HHIPL2: variants seen among roughly 807,000 people sequenced by gnomAD.
The protein encoded by HHIPL2 is HHIP like 2.
A neutral mutation model predicts 61.0 loss-of-function variants in HHIPL2; 61 were observed. The observed-to-expected ratio is 1.00, with a 90% confidence interval of 0.81 to 1.24. HHIPL2 has a LOEUF of 1.24. HHIPL2 is among the 50% of genes most tolerant of loss of function. The pLI is 0.00. For missense variants in HHIPL2, 885 were observed against 910.2 expected (o/e 0.97, Z 0.36); for synonymous variants, 343 against 357.4 (o/e 0.96, Z 0.45).
At position 222,522,808 on chromosome 1, in the gene HHIPL2, T is replaced by A. The variant is rs1295887362; in HGVS notation, c.1968A>T (p.Pro656=). ...KSSSATLASG[P]AQGLSEKGSS... is the part of the protein sequence containing the mutation. ...AGCCTTTCTCAGACAAACCCTGGGCTGGGCCAGAAGCTAAGGTTGCACTGG... is the reference window on the plus strand; with the variant it reads ...AGCCTTTCTCAGACAAACCCTGGGCAGGGCCAGAAGCTAAGGTTGCACTGG... The change falls in exon 9 of 9, where the codon CCA becomes CCT. Residue 656 remains proline, a synonymous_variant. Transcript: ENST00000343410. 1.9e-6 allele frequency: 3 copies of A among 1,614,206 alleles called. No homozygotes were observed. The highest frequency in any genetic ancestry group is 2.5e-6 in the Non-Finnish European group (3 of 1,180,034).
chr1:222,524,294 A>G (rs1191369321), intron 7 of HHIPL2: 2 of 153,018 alleles, frequency 1.3e-5, no homozygotes, highest in East Asian at 3.8e-4. Context: ...GAGTACTTCC[A>G]CTGTAGAGAG....
rs74837359 is a variant in HHIPL2, at chr1:222,539,853, T to C, written c.1450+157A>G. 5.2e-3 allele frequency among the ~76,000 whole-genome samples: 790 copies of C among 152,228 alleles called. 4 individuals carry two copies. The highest frequency in any genetic ancestry group is 0.024 in the Middle Eastern group (7 of 294). ...CCAAGATGTCTCTGGTGCCAGTGAG[T>C]GGCTGGAGGACCGGTTGGAGAAGCA... On this transcript the variant is annotated intron_variant, in intron 4 of 8. Transcript: ENST00000343410.
At chr1:222,537,300 C>A (rs1659320306) in intron 5 of HHIPL2, among the ~76,000 whole-genome samples, 2 of 151,158 alleles carry the variant, frequency 1.3e-5, no homozygotes, top group Non-Finnish European at 2.9e-5. Flanking sequence ...TAGAAATCAC[C>A]TACAGCTGAC....
intron 7 of HHIPL2, chr1:222,525,155 G>A (rs1571762619): frequency 6.6e-6 from 1 of 152,154 alleles, no homozygotes; most frequent in Non-Finnish European, 1.5e-5. Context: ...TGCTTTCTGT[G>A]TGGCTTCTCA....
At chr1:222,523,529 A>T in intron 8 of HHIPL2, 83 bp downstream of exon 8, 1 of 1,276,878 alleles carries the variant, frequency 7.8e-7, no homozygotes, top group African/African-American at 1.5e-5. Context: ...AGACTCCACC[A>T]TGGGAATTAT....
intron 3 of HHIPL2, among the ~76,000 whole-genome samples, chr1:222,541,470 A>G (rs962019295): frequency 3.3e-5 from 5 of 152,244 alleles, no homozygotes; most frequent in Non-Finnish European, 7.3e-5. Flanking sequence ...AATTATGGAA[A>G]GACTCCCTTG....
In HHIPL2 at chr1:222,523,605, G is replaced by A; in HGVS notation, c.1888+7C>T. 1 of 1,613,788 alleles carries A rather than the reference G, an allele frequency of 6.2e-7. No homozygotes were observed. Among genetic ancestry groups the A allele is most frequent in the Non-Finnish European group, 8.5e-7 (1 of 1,179,702 alleles). On this transcript the variant is annotated splice_region_variant and intron_variant, in intron 8 of 8. Transcript: ENST00000343410. Reference sequence around the variant, plus strand: ...GGCCTGAGCCTAAGACTCAAAGATGGACTCACTGGCGAGTGGTCTGAACGG... The same window carrying A: ...GGCCTGAGCCTAAGACTCAAAGATGAACTCACTGGCGAGTGGTCTGAACGG...
chr1:222,542,284 T>A, intron 2 of HHIPL2, 129 bp from the exon 3 acceptor site: 1 of 1,007,594 alleles, frequency 9.9e-7, no homozygotes, highest in East Asian at 2.5e-5. Flanking sequence ...TGCTTCTGAG[T>A]TTTTAAGGAT....
intron 7 of HHIPL2, among the ~76,000 whole-genome samples, chr1:222,526,134 G>A (rs1284408229): frequency 1.3e-5 from 2 of 152,166 alleles, no homozygotes; most frequent in African/African-American, 4.8e-5. Context: ...GTGGGAAGTG[G>A]TATTGTGGCT....
At chr1:222,536,616 C>A (rs1393647828) in intron 5 of HHIPL2, among the ~76,000 whole-genome samples, 1 of 152,194 alleles carries the variant, frequency 6.6e-6, no homozygotes, top group Non-Finnish European at 1.5e-5. Context: ...AACAGGAGTA[C>A]TTATTCTGTA....
intron 6 of HHIPL2, among the ~76,000 whole-genome samples, chr1:222,529,010 C>CG (rs200636988): frequency 0.023 from 3,486 of 151,830 alleles, 130 homozygotes; most frequent in African/African-American, 0.075. Flanking sequence ...TTTGTAGAGA[C>CG]GGGGTTTCCC....
intron 6 of HHIPL2, among the ~76,000 whole-genome samples, chr1:222,527,423 T>C (rs1158673961): frequency 2.0e-5 from 3 of 152,202 alleles, no homozygotes; most frequent in African/African-American, 7.2e-5. Flanking sequence ...ATATACAGTC[T>C]GCAGGCTGAG....
intron 5 of HHIPL2, among the ~76,000 whole-genome samples, chr1:222,534,628 G>A (rs1460871564): frequency 7.0e-6 from 1 of 143,794 alleles, no homozygotes; most frequent in Non-Finnish European, 1.5e-5. Flanking sequence ...ATACAGAGCA[G>A]ACCCAAATCA....
intron 6 of HHIPL2, among the ~76,000 whole-genome samples, chr1:222,530,720 G>C (rs1167425356): frequency 1.7e-5 from 2 of 120,710 alleles, no homozygotes; most frequent in African/African-American, 6.9e-5. Flanking sequence ...TACCTATAGA[G>C]AATCTTTTTT....
intron 7 of HHIPL2, among the ~76,000 whole-genome samples, chr1:222,525,565 C>T (rs754495570): frequency 4.6e-5 from 7 of 152,180 alleles, no homozygotes; most frequent in Non-Finnish European, 8.8e-5. Context: ...GTGGCTGGAC[C>T]TATTTGCCTC....
At position 222,523,692 on chromosome 1, in the gene HHIPL2, C is replaced by T. The variant is rs1037498745; in HGVS notation, c.1808G>A (p.Arg603Gln). 4.3e-6 allele frequency: 7 copies of T among 1,613,864 alleles called. No homozygotes were observed. Among genetic ancestry groups the T allele is most frequent in the African/African-American group, 1.3e-5 (1 of 74,836 alleles). Residue 603 changes from arginine to glutamine, a missense_variant and splice_region_variant, in exon 8 of 9, where the codon CGA (arginine) becomes CAA (glutamine). Physicochemically the swap from Arg to Gln is conservative, Grantham distance 43 (BLOSUM62 1). Transcript: ENST00000343410. ...SIYKFVDPSR[R>Q]APPGKCKYKP... ...GTATTTGCACTTGCCTGGGGGTGCT[C>T]GCCTAAAAACACAAACAGAAAGCAT...
At chr1:222,531,050 T>C (rs1038544002) in intron 6 of HHIPL2, among the ~76,000 whole-genome samples, 2 of 152,246 alleles carry the variant, frequency 1.3e-5, no homozygotes, top group Non-Finnish European at 2.9e-5. Flanking sequence ...GCTGAGTCTC[T>C]CTGTGTCTCT....
At chr1:222,542,625 G>A (rs1200843174) in intron 2 of HHIPL2, among the ~76,000 whole-genome samples, 1 of 145,990 alleles carries the variant, frequency 6.8e-6, no homozygotes. Flanking sequence ...CTGCCTCCCA[G>A]GTTCATGCGA....
intron 5 of HHIPL2, 152 bp from the exon 6 acceptor site, chr1:222,532,263 C>A: frequency 3.2e-6 from 2 of 617,342 alleles, no homozygotes; most frequent in Middle Eastern, 4.1e-4. Flanking sequence ...CAAAAAGCTT[C>A]TTCAGAGATA....
Sources: allele counts gnomAD v4.1 joint callset (sites outside exome capture counted in the v4.1 genomes callset), GRCh38; gene constraint gnomAD v4.1.1; transcripts MANE v1.5; gene names NCBI Gene and HGNC (gene_info 2026-07-23, HGNC 2026-07-21).